Variants in PKD2 observed in about 807,000 individuals in gnomAD.
PKD2 encodes polycystin 2, transient receptor potential cation channel, also known as polycystin-2.
In PKD2, 48 loss-of-function variants were observed where a neutral mutation model predicts 105.9. The observed-to-expected ratio is 0.45, with a 90% CI of 0.36 to 0.58. The LOEUF is 0.58. PKD2 is among the 20% of genes least tolerant of loss of function. PKD2 has a pLI of 0.00. For synonymous variants in PKD2, 464 were observed against 481.1 expected (o/e 0.96, Z 0.46); for missense variants, 1,078 against 1,255.3 (o/e 0.86, Z 2.13).
At chr4:88,061,613 C>G (rs1720573300) in intron 9 of PKD2, among the ~76,000 whole-genome samples, 1 of 152,020 alleles carries the variant, frequency 6.6e-6, no homozygotes, top group Admixed American at 6.6e-5. Flanking sequence ...TGGCACATGC[C>G]TGTAATCCCA....
At chr4:88,040,497 A>T (rs1322051210) in intron 4 of PKD2, among the ~76,000 whole-genome samples, 1 of 152,232 alleles carries the variant, frequency 6.6e-6, no homozygotes, top group Non-Finnish European at 1.5e-5. Flanking sequence ...ATTCTTCTAC[A>T]TTCTCAAGTC....
intron 8 of PKD2, 77 bp from the exon 9 acceptor site, chr4:88,057,906 T>G: frequency 8.7e-7 from 1 of 1,155,156 alleles, no homozygotes; most frequent in East Asian, 2.3e-5. Context: ...AATAATGAAA[T>G]CATCTTTAAG....
At chr4:88,064,649 T>C (rs1462133201) in intron 10 of PKD2, among the ~76,000 whole-genome samples, 1 of 151,990 alleles carries the variant, frequency 6.6e-6, no homozygotes, top group Admixed American at 6.6e-5. Context: ...TCCTAGCACT[T>C]TGGAAGGCGA....
At chr4:88,045,112 C>T (rs1001780260) in intron 5 of PKD2, among the ~76,000 whole-genome samples, 20 of 152,172 alleles carry the variant, frequency 1.3e-4, no homozygotes, top group African/African-American at 4.6e-4. Context: ...CTGCTTCCTC[C>T]CTTACTTTAA....
At chr4:88,042,812 A>G (rs1379171840) in intron 4 of PKD2, among the ~76,000 whole-genome samples, 1 of 152,202 alleles carries the variant, frequency 6.6e-6, no homozygotes, top group Non-Finnish European at 1.5e-5. Context: ...GAAATTCCCA[A>G]ATGCTGACAA....
At chr4:88,064,198 A>T (rs936807643) in intron 10 of PKD2, among the ~76,000 whole-genome samples, 1 of 152,198 alleles carries the variant, frequency 6.6e-6, no homozygotes, top group Non-Finnish European at 1.5e-5. Context: ...ATCCACATTT[A>T]AGAAGGAATA....
chr4:88,047,251 G>A (rs1727811267), intron 6 of PKD2, among the ~76,000 whole-genome samples: 1 of 151,912 alleles, frequency 6.6e-6, no homozygotes, highest in South Asian at 2.1e-4. Flanking sequence ...CATGTGTGAA[G>A]TTACAGCAAT....
chr4:88,068,211 C>A, intron 13 of PKD2, 150 bp downstream of exon 13: 1 of 767,848 alleles, frequency 1.3e-6, no homozygotes, highest in Non-Finnish European at 2.2e-6. Context: ...TGGCTCATGC[C>A]TGTAATCCCA....
At chr4:88,065,929 C>G in intron 12 of PKD2, 50 bp downstream of exon 12, 1 of 964,370 alleles carries the variant, frequency 1.0e-6, no homozygotes, top group Non-Finnish European at 1.7e-6. Context: ...TACAACACCA[C>G]AGATGTATCA....
chr4:88,011,923 C>G (rs1726398237), intron 1 of PKD2, among the ~76,000 whole-genome samples: 1 of 150,528 alleles, frequency 6.6e-6, no homozygotes, highest in Non-Finnish European at 1.5e-5. Flanking sequence ...AGTTTTGCCC[C>G]TCAGGGGACA....
At chr4:88,015,464 G>A (rs937003425) in intron 1 of PKD2, among the ~76,000 whole-genome samples, 1 of 152,220 alleles carries the variant, frequency 6.6e-6, no homozygotes, top group African/African-American at 2.4e-5. Flanking sequence ...CCAGGTTGGA[G>A]TGCAGTGGTG....
At position 88,043,422 on chromosome 4, in the gene PKD2, G is replaced by T; in HGVS notation, c.1284G>T (p.Val428=). The T allele has an allele frequency of 6.2e-7, 1 of 1,613,750 alleles. No individual in the cohort carries two copies. Among genetic ancestry groups the T allele is most frequent in the South Asian group, 1.1e-5 (1 of 91,082 alleles). ...GGGCAACTTTTATTGACTTCTCAGT[G>T]TACAACGCCAACATTAACCTGTTCT... is the stretch of plus-strand genomic sequence containing the variant. The part of the protein sequence containing the change: ...GTRATFIDFS[V]YNANINLFCV... The change falls in exon 5 of 15, where the codon GTG becomes GTT. Residue 428 remains valine (V), a synonymous_variant. Coordinates refer to ENST00000237596, the MANE Select transcript of PKD2 (RefSeq NM_000297.4).
rs955464170 is a variant in PKD2, at chr4:88,076,297, C to G, written c.*603C>G. 1 of 153,960 alleles carries G rather than the reference C, an allele frequency of 6.5e-6. No individual in the cohort carries two copies. 9.5% of individuals were successfully genotyped at this position (153,960 alleles called of 1,614,324 possible). ...ATACTATGCTTTTTTGTAAGTTGAT[C>G]GTATCTGATGTCTGTGGGACTAACT... On this transcript the variant is annotated 3_prime_UTR_variant, in exon 15 of 15. Coordinates refer to ENST00000237596, the MANE Select transcript of PKD2 (RefSeq NM_000297.4).
At chr4:88,026,691 C>A (rs1726967874) in intron 2 of PKD2, among the ~76,000 whole-genome samples, 1 of 152,178 alleles carries the variant, frequency 6.6e-6, no homozygotes, top group Admixed American at 6.5e-5. Context: ...TTCAGAAAAT[C>A]TTCAGGGCAG....
intron 7 of PKD2, among the ~76,000 whole-genome samples, chr4:88,053,396 C>G (rs552536044): frequency 6.6e-6 from 1 of 152,296 alleles, no homozygotes; most frequent in Admixed American, 6.5e-5. Context: ...CGCAGTGGCT[C>G]ATGCCTGTAA....
intron 1 of PKD2, among the ~76,000 whole-genome samples, chr4:88,016,390 A>G (rs1726563421): frequency 1.3e-5 from 2 of 152,206 alleles, no homozygotes; most frequent in South Asian, 2.1e-4. Context: ...TAGAACAGCT[A>G]TGGGAAAGAC....
chr4:88,024,565 T>A (rs1437176238), intron 2 of PKD2, among the ~76,000 whole-genome samples: 1 of 151,494 alleles, frequency 6.6e-6, no homozygotes, highest in Non-Finnish European at 1.5e-5. Flanking sequence ...AATAAAAATG[T>A]ATTTGTCATT....
intron 12 of PKD2, among the ~76,000 whole-genome samples, chr4:88,066,482 C>T (rs1352207567): frequency 6.6e-6 from 1 of 151,822 alleles, no homozygotes; most frequent in Admixed American, 6.6e-5. Flanking sequence ...TTGCCTCAGC[C>T]TCCCAAGTAG....
intron 9 of PKD2, among the ~76,000 whole-genome samples, chr4:88,059,120 G>GTAT (rs148376878): frequency 6.6e-6 from 1 of 152,192 alleles, no homozygotes; most frequent in East Asian, 1.9e-4. Context: ...TAGATGTACT[G>GTAT]TATTAATTTC....
Sources: allele counts gnomAD v4.1 joint callset (sites outside exome capture counted in the v4.1 genomes callset), GRCh38; gene constraint gnomAD v4.1.1; transcripts MANE v1.5; gene names NCBI Gene and HGNC (gene_info 2026-07-23, HGNC 2026-07-21).